Variants in TRPM3 observed in about 807,000 individuals in gnomAD.
TRPM3 encodes the protein transient receptor potential cation channel subfamily M member 3, also known as long transient receptor potential channel 3.
In TRPM3, 77 loss-of-function variants were observed where a neutral mutation model predicts 181.2. The ratio of observed to expected loss-of-function variants is 0.42; its 90% CI spans 0.35 to 0.51. The LOEUF is 0.51. Ranked by LOEUF, TRPM3 falls within the 20% of genes least tolerant of loss-of-function variation. TRPM3 has a pLI of 0.01. For synonymous variants in TRPM3, 745 were observed against 796.4 expected, an observed-to-expected ratio of 0.94 and a Z score of 1.09; for missense variants, 1,759 against 2,196.7, an observed-to-expected ratio of 0.80 and a Z score of 3.98.
chr9:71,179,253 TCA>T (rs1212111405), intron 1 of TRPM3, among the ~76,000 whole-genome samples: 1 of 152,044 alleles, frequency 6.6e-6, no homozygotes, highest in East Asian at 1.9e-4. Flanking sequence ...GCTGGACCAG[TCA>T]CACTGGACCT....
At position 70,619,768 on chromosome 9, in the gene TRPM3, C is replaced by T. The variant is rs1193560618; in HGVS notation, c.2129+308G>A. 3.3e-5 allele frequency among the ~76,000 whole-genome samples: 5 copies of T among 152,228 alleles called. No individual in the cohort carries two copies. The East Asian group carries it at 9.7e-4, about 29-fold the overall frequency. ...AGTTCAAATTCCAGCCTTGCCACCA[C>T]AAATGTGTGATCTTGGACAGGTTAC... On this transcript the variant is annotated intron_variant, in intron 16 of 25. Coordinates refer to ENST00000677713, the MANE Select transcript of TRPM3 (RefSeq NM_001366145.2).
chr9:71,287,165 A>G (rs907436375), intron 1 of TRPM3, among the ~76,000 whole-genome samples: 6 of 147,692 alleles, frequency 4.1e-5, no homozygotes, highest in Middle Eastern at 3.6e-3. Flanking sequence ...ATATATGTAT[A>G]TAAAATAACA....
intron 1 of TRPM3, among the ~76,000 whole-genome samples, chr9:71,281,965 G>A (rs1261727796): frequency 6.6e-6 from 1 of 152,110 alleles, no homozygotes; most frequent in Non-Finnish European, 1.5e-5. Flanking sequence ...GGAGGCTGAG[G>A]CAGGAGAATC....
chr9:70,691,029 G>A (rs111548180), intron 8 of TRPM3, among the ~76,000 whole-genome samples: 5,462 of 152,198 alleles, frequency 0.036, 137 homozygotes, highest in Middle Eastern at 0.085. Context: ...GAGGAGGGAA[G>A]GAAATTGGAG....
At chr9:71,382,936 C>G (rs1273869621) in intron 1 of TRPM3, among the ~76,000 whole-genome samples, 3 of 152,090 alleles carry the variant, frequency 2.0e-5, no homozygotes, top group Non-Finnish European at 4.4e-5. Flanking sequence ...GACCGAGATA[C>G]TTATCTTTAG....
intron 6 of TRPM3, among the ~76,000 whole-genome samples, chr9:70,803,462 T>G (rs891924975): frequency 2.0e-5 from 3 of 149,368 alleles, no homozygotes; most frequent in African/African-American, 7.4e-5. Context: ...TTTTTTTTTT[T>G]TTTTTTTGAG....
chr9:70,939,218 G>A (rs1000331947), intron 1 of TRPM3, among the ~76,000 whole-genome samples: 39 of 152,108 alleles, frequency 2.6e-4, no homozygotes, highest in African/African-American at 9.4e-4. Flanking sequence ...TTACAGTTTT[G>A]CTTAAGGTTG....
intron 6 of TRPM3, among the ~76,000 whole-genome samples, chr9:70,793,867 T>G (rs2086298406): frequency 6.6e-6 from 1 of 152,132 alleles, no homozygotes; most frequent in South Asian, 2.1e-4. Context: ...ATTCAACACT[T>G]TGTTATATAA....
intron 1 of TRPM3, among the ~76,000 whole-genome samples, chr9:70,993,675 C>T (rs937063660): frequency 4.0e-5 from 6 of 149,582 alleles, no homozygotes; most frequent in African/African-American, 1.2e-4. Flanking sequence ...CAAGGGGGTG[C>T]GTGAGATTAT....
chr9:71,199,452 C>A (rs1452836118), intron 1 of TRPM3, among the ~76,000 whole-genome samples: 1 of 152,066 alleles, frequency 6.6e-6, no homozygotes, highest in African/African-American at 2.4e-5. Flanking sequence ...GGAATGGTAC[C>A]AGTTCCTCCT....
intron 1 of TRPM3, among the ~76,000 whole-genome samples, chr9:71,004,888 C>A (rs1359854615): frequency 6.6e-6 from 1 of 151,996 alleles, no homozygotes; most frequent in Non-Finnish European, 1.5e-5. Context: ...AATGAACAAT[C>A]TTGAAGATAA....
At chr9:70,969,395 C>T (rs7864981) in intron 1 of TRPM3, among the ~76,000 whole-genome samples, 6,578 of 151,924 alleles carry the variant, frequency 0.043, 232 homozygotes, top group African/African-American at 0.093. Context: ...GCACATTTGA[C>T]ACAGGTACCC....
chr9:71,100,140 G>T (rs971361451), intron 1 of TRPM3, among the ~76,000 whole-genome samples: 1 of 151,964 alleles, frequency 6.6e-6, no homozygotes, highest in Non-Finnish European at 1.5e-5. Flanking sequence ...TCTGATTTTT[G>T]ATTCTGATTT....
intron 1 of TRPM3, among the ~76,000 whole-genome samples, chr9:71,177,578 G>T (rs2077170501): frequency 1.3e-5 from 2 of 152,032 alleles, no homozygotes; most frequent in South Asian, 4.1e-4. Flanking sequence ...GTACATTAAA[G>T]ACCTAAGTTT....
chr9:70,971,236 C>A (rs1706916312), intron 1 of TRPM3, among the ~76,000 whole-genome samples: 1 of 152,068 alleles, frequency 6.6e-6, no homozygotes, highest in South Asian at 2.1e-4. Flanking sequence ...GTTTCTTTTC[C>A]CCTTCTACTG....
intron 7 of TRPM3, among the ~76,000 whole-genome samples, chr9:70,772,413 G>C (rs2080482434): frequency 6.6e-6 from 1 of 151,822 alleles, no homozygotes; most frequent in African/African-American, 2.4e-5. Context: ...AACCTCCTGG[G>C]CTCAGGTGAT....
At chr9:70,612,780 A>G (rs1213132281) in intron 18 of TRPM3, among the ~76,000 whole-genome samples, 1 of 152,244 alleles carries the variant, frequency 6.6e-6, no homozygotes, top group Non-Finnish European at 1.5e-5. Context: ...CTGAGGTTAC[A>G]TGACATTTGG....
intron 22 of TRPM3, among the ~76,000 whole-genome samples, chr9:70,578,646 A>G (rs536184537): frequency 3.9e-5 from 6 of 152,362 alleles, no homozygotes; most frequent in East Asian, 3.9e-4. Flanking sequence ...GGGATGATCA[A>G]TGGGGACCTG....
intron 6 of TRPM3, chr9:70,811,288 G>C: frequency 2.0e-6 from 3 of 1,496,628 alleles, no homozygotes; most frequent in Non-Finnish European, 2.7e-6. Context: ...CCCTGTGGTT[G>C]CATACACATT....
Sources: allele counts gnomAD v4.1 joint callset (sites outside exome capture counted in the v4.1 genomes callset), GRCh38; gene constraint gnomAD v4.1.1; transcripts MANE v1.5; gene names NCBI Gene and HGNC (gene_info 2026-07-23, HGNC 2026-07-21).